Variants in ZNF316 observed in about 807,000 individuals in gnomAD.
ZNF316 encodes the protein zinc finger protein 316.
A neutral mutation model predicts 75.6 loss-of-function variants in ZNF316; 23 were observed. That is an observed-to-expected ratio of 0.30 (90% CI 0.22 to 0.43). ZNF316 has a LOEUF of 0.43. Ranked by LOEUF, ZNF316 falls within the 20% of genes least tolerant of loss-of-function variation. The pLI, the probability that ZNF316 is intolerant of heterozygous loss-of-function variation, is 1.00. For missense variants in ZNF316, 1,266 were observed against 1,409.4 expected (o/e 0.90, Z 1.63); for synonymous variants, 827 against 666.2 (o/e 1.24, Z -3.72).
chr7:6,644,046 T>C (rs1226976557), intron 7 of ZNF316, 98 bp downstream of exon 7: 4 of 1,190,400 alleles, frequency 3.4e-6, no homozygotes, highest in South Asian at 4.4e-5. Context: ...CCAGGGTCTT[T>C]CCAAAGGTGG....
At chr7:6,643,323 A>G (rs1315505728) in intron 6 of ZNF316, among the ~76,000 whole-genome samples, 1 of 152,146 alleles carries the variant, frequency 6.6e-6, no homozygotes, top group Non-Finnish European at 1.5e-5. Flanking sequence ...ACTCAACCGC[A>G]CTGTGCACAG....
chr7:6,653,141 C>T lies in ZNF316; in HGVS notation c.1545C>T (p.Asp515=), dbSNP rs952015740. 2.4e-4 allele frequency: 281 copies of T among 1,172,864 alleles called. 3 individuals are homozygous for T. The African/African-American group carries it at 4.0e-3, about 17-fold the overall frequency. 72.7% of individuals were successfully genotyped at this position (1,172,864 alleles called of 1,614,324 possible). ...RGGGCAEAGG[D]GPRREPGETA... is the part of the protein sequence containing the mutation. Reference sequence around the variant, plus strand: ...GGGGCTGCGCGGAGGCGGGTGGTGACGGCCCCCGGCGGGAGCCCGGCGAGA... The same window carrying T: ...GGGGCTGCGCGGAGGCGGGTGGTGATGGCCCCCGGCGGGAGCCCGGCGAGA... The change falls in exon 9 of 9, where the codon GAC becomes GAT. Residue 515 remains aspartate, a synonymous_variant. Coordinates refer to ENST00000382252, the MANE Select transcript of ZNF316 (RefSeq NM_001278559.2).
At chr7:6,647,221 G>A (rs1779421905) in intron 8 of ZNF316, among the ~76,000 whole-genome samples, 1 of 152,182 alleles carries the variant, frequency 6.6e-6, no homozygotes, top group Non-Finnish European at 1.5e-5. Flanking sequence ...GCCCCAGTGA[G>A]GGGCAGGCCC....
At chr7:6,651,291 G>A (rs75669728) in intron 8 of ZNF316, among the ~76,000 whole-genome samples, 13,864 of 151,516 alleles carry the variant, frequency 0.092, 780 homozygotes, top group Middle Eastern at 0.16. Context: ...TGGAGGTTGC[G>A]GTGGGCCGAG....
chr7:6,653,249 C>G lies in ZNF316; in HGVS notation c.1653C>G (p.Ala551=). The G allele has an allele frequency of 8.2e-7, 1 of 1,226,728 alleles. No individual in the cohort carries two copies. Among genetic ancestry groups the G allele is most frequent in the Non-Finnish European group, 1.0e-6 (1 of 985,124 alleles). The allele number at this position is 1,226,728 out of a possible 1,614,324, so 76.0% of individuals were successfully genotyped here. ...EVGEADGEAE[A]AAEEREEAAV... ...GCGAGGCGGACGGAGAGGCGGAGGC[C>G]GCGGCCGAGGAGAGAGAGGAGGCGG... Residue 551 remains alanine (A), a synonymous_variant, in exon 9 of 9, where the codon GCC becomes GCG. Transcript: ENST00000382252.
chr7:6,646,977 C>T (rs1583443160), intron 8 of ZNF316, among the ~76,000 whole-genome samples: 1 of 152,204 alleles, frequency 6.6e-6, no homozygotes, highest in Non-Finnish European at 1.5e-5. Flanking sequence ...GCTTCAGACC[C>T]TCCCCTGCCC....
intron 8 of ZNF316, among the ~76,000 whole-genome samples, chr7:6,646,167 C>T (rs1024754148): frequency 2.6e-5 from 4 of 152,088 alleles, no homozygotes. Flanking sequence ...CAGAGCTGAA[C>T]TATCATTGAG....
In ZNF316 at chr7:6,657,654, G is replaced by A. The variant is rs933667845; in HGVS notation, c.*3043G>A. ...TGAGCTCAGGAGTTCGAGGCCAGCTGGGACAACACGGCAAAACTCTTGTCT... is the reference window on the plus strand; with the variant it reads ...TGAGCTCAGGAGTTCGAGGCCAGCTAGGACAACACGGCAAAACTCTTGTCT... On this transcript the variant is annotated 3_prime_UTR_variant, in exon 9 of 9. Coordinates refer to ENST00000382252, the MANE Select transcript of ZNF316 (RefSeq NM_001278559.2). 6.6e-6 allele frequency among the ~76,000 whole-genome samples: 1 copy of A among 151,828 alleles called. No homozygotes were observed.
intron 8 of ZNF316, among the ~76,000 whole-genome samples, chr7:6,648,322 A>G (rs780389794): frequency 6.6e-6 from 1 of 152,058 alleles, no homozygotes; most frequent in Admixed American, 6.5e-5. Flanking sequence ...GCCCAGCCTC[A>G]AGAGGAAAGG....
chr7:6,649,144 CAG>C (rs1779461306), intron 8 of ZNF316, among the ~76,000 whole-genome samples: 1 of 152,194 alleles, frequency 6.6e-6, no homozygotes, highest in African/African-American at 2.4e-5. Flanking sequence ...CCTCCCTAGA[CAG>C]AGCTGACTTT....
At chr7:6,651,339 A>G (rs1458048513) in intron 8 of ZNF316, among the ~76,000 whole-genome samples, 2 of 147,968 alleles carry the variant, frequency 1.4e-5, no homozygotes, top group African/African-American at 5.0e-5. Flanking sequence ...AACGAGCTCA[A>G]TTCCGTCTCA....
chr7:6,644,519 A>G lies in ZNF316; in HGVS notation c.632A>G (p.Glu211Gly). The G allele has an allele frequency of 8.1e-7, 1 of 1,232,270 alleles. No individual in the cohort carries two copies. Among genetic ancestry groups the G allele is most frequent in the Non-Finnish European group, 1.0e-6 (1 of 988,000 alleles). 76.3% of individuals were successfully genotyped at this position (1,232,270 alleles called of 1,614,324 possible). The change falls in exon 8 of 9, where the codon GAA (glutamate) becomes GGA (glycine). Residue 211 changes from glutamate to glycine, a missense_variant. Physicochemically the swap from Glu to Gly is moderately conservative, Grantham distance 98. Transcript: ENST00000382252. ...AAGCCCGATCTGATCTTCCGGCTGGAACAAGGGGAAGAACCTTGGGTCCCA... is the reference window on the plus strand; with the variant it reads ...AAGCCCGATCTGATCTTCCGGCTGGGACAAGGGGAAGAACCTTGGGTCCCA... The part of the protein sequence containing the change: ...IPKPDLIFRL[E>G]QGEEPWVPDS...
intron 8 of ZNF316, among the ~76,000 whole-genome samples, chr7:6,646,095 A>G (rs1779398393): frequency 6.6e-6 from 1 of 151,752 alleles, no homozygotes; most frequent in South Asian, 2.1e-4. Flanking sequence ...ACCTCCCACC[A>G]GGTCCCTCCC....
chr7:6,647,188 G>C (rs1311509978), intron 8 of ZNF316, among the ~76,000 whole-genome samples: 5 of 152,136 alleles, frequency 3.3e-5, no homozygotes, highest in African/African-American at 1.2e-4. Flanking sequence ...AGCCACTGCA[G>C]ACTGGCCCTT....
At chr7:6,650,127 A>G (rs10238659) in intron 8 of ZNF316, among the ~76,000 whole-genome samples, 2,846 of 152,308 alleles carry the variant, frequency 0.019, 71 homozygotes, top group African/African-American at 0.065. Flanking sequence ...TCTAAACCCA[A>G]GACCTGCATC....
At position 6,653,572 on chromosome 7, in the gene ZNF316, C is replaced by A; in HGVS notation, c.1976C>A (p.Ala659Glu). Residue 659 changes from alanine (A) to glutamate (E), a missense_variant, in exon 9 of 9, where the codon GCG becomes GAG. By Grantham distance (107) the Ala-to-Glu change is moderately radical. This residue lies in a region of ZNF316 where 961 missense variants were observed against 990.9 expected (regional missense o/e 0.97). Transcript: ENST00000382252. ...GACCCTTTCGGCGGCGGCGGGGCCG[C>A]GGGCGGCGGAGGCGGCCTGCGCGCG... is the stretch of plus-strand genomic sequence containing the variant. ...ACDPFGGGGA[A>E]GGGGGLRAFG... 9.0e-7 allele frequency: 1 copy of A among 1,109,440 alleles called. No individual in the cohort carries two copies. The highest frequency in any genetic ancestry group is 5.1e-5 in the Admixed American group (1 of 19,454). The allele number at this position is 1,109,440 out of a possible 1,614,324, so 68.7% of individuals were successfully genotyped here. A position where few individuals can be genotyped will look rare whatever the true frequency, so the allele number is the denominator to read the frequency against.
At chr7:6,649,806 C>T (rs1380216448) in intron 8 of ZNF316, among the ~76,000 whole-genome samples, 1 of 152,184 alleles carries the variant, frequency 6.6e-6, no homozygotes, top group African/African-American at 2.4e-5. Context: ...GTGGCCATGC[C>T]AGCTCCAGAG....
In ZNF316 at chr7:6,654,755, C is replaced by G. The variant is rs1028604620; in HGVS notation, c.*144C>G. The G allele has an allele frequency of 4.3e-6, 3 of 701,970 alleles. No individual in the cohort carries two copies. The African/African-American group carries it at 5.8e-5, about 14-fold the overall frequency. 43.5% of individuals were successfully genotyped at this position (701,970 alleles called of 1,614,324 possible). ...TCCCTCAGCCCTCGCCCTGCGGCCC[C>G]GGGTCTCATGCCCGCCGGGTCCGTG... On this transcript the variant is annotated 3_prime_UTR_variant, in exon 9 of 9. Transcript: ENST00000382252.
intron 8 of ZNF316, among the ~76,000 whole-genome samples, chr7:6,646,686 C>T (rs1164016948): frequency 6.6e-6 from 1 of 152,132 alleles, no homozygotes; most frequent in Non-Finnish European, 1.5e-5. Context: ...TGAGTGGCTA[C>T]CCTCCCCTGA....
Sources: gnomAD v4.1 joint callset for allele counts (sites outside exome capture counted in the v4.1 genomes callset) on GRCh38, gnomAD v4.1.1 for gene constraint, gnomAD v4.1.1 regional missense constraint, MANE v1.5 for transcripts, NCBI Gene and HGNC (gene_info 2026-07-23, HGNC 2026-07-21) for gene names.